The following RBFOX2 variants were observed in gnomAD, a reference collection of about 807,000 sequenced individuals.
The protein encoded by RBFOX2 is RNA binding protein fox-1 homolog 2.
Under a neutral mutation model 49.1 loss-of-function variants are expected in RBFOX2, and 10 were observed. The ratio of observed to expected loss-of-function variants is 0.20; its 90% CI spans 0.13 to 0.35. RBFOX2 has a LOEUF of 0.35. Ranked by LOEUF, RBFOX2 falls within the 10% of genes least tolerant of loss-of-function variation. RBFOX2 has a pLI of 1.00. For missense variants in RBFOX2, 323 were observed against 486.9 expected, an observed-to-expected ratio of 0.66 and a Z score of 3.17; for synonymous variants, 183 against 187.4, an observed-to-expected ratio of 0.98 and a Z score of 0.19.
At chr22:35,975,483 A>G (rs150538857) in intron 1 of RBFOX2, among the ~76,000 whole-genome samples, 49 of 152,330 alleles carry the variant, frequency 3.2e-4, no homozygotes, top group African/African-American at 1.1e-3. Flanking sequence ...TAATGCCAAG[A>G]AGCCTAACAC....
At chr22:35,746,736 C>T in intron 9 of RBFOX2, 175 bp from the exon 12 acceptor site, 1 of 405,780 alleles carries the variant, frequency 2.5e-6, no homozygotes, top group Middle Eastern at 3.3e-4. Flanking sequence ...TGTTATTATT[C>T]CTCCAATAAA....
chr22:35,827,075 A>G (rs1955916116), intron 1 of RBFOX2, among the ~76,000 whole-genome samples: 1 of 152,224 alleles, frequency 6.6e-6, no homozygotes, highest in Non-Finnish European at 1.5e-5. Flanking sequence ...GCTATAAACA[A>G]TGCCATCTAC....
chr22:35,803,854 A>G (rs1950209206), intron 2 of RBFOX2, among the ~76,000 whole-genome samples: 1 of 152,230 alleles, frequency 6.6e-6, no homozygotes, highest in African/African-American at 2.4e-5. Context: ...AGAGACCACC[A>G]GAAATTATCC....
At chr22:35,767,136 C>A (rs1268730028) in intron 5 of RBFOX2, among the ~76,000 whole-genome samples, 1 of 151,930 alleles carries the variant, frequency 6.6e-6, no homozygotes, top group South Asian at 2.1e-4. Context: ...ACCATGAAGT[C>A]AGTAATCAAA....
chr22:35,844,887 A>G (rs2040980927), upstream of RBFOX2, among the ~76,000 whole-genome samples: 2 of 152,048 alleles, frequency 1.3e-5, no homozygotes, highest in African/African-American at 4.8e-5. Context: ...GAAAGGCTTT[A>G]TTTTCAATTT....
At chr22:35,912,459 C>T (rs1603446813) in intron 1 of RBFOX2, among the ~76,000 whole-genome samples, 1 of 152,294 alleles carries the variant, frequency 6.6e-6, no homozygotes, top group East Asian at 1.9e-4. Context: ...TATTACTTAA[C>T]CTTTAAGGCC....
upstream of RBFOX2, among the ~76,000 whole-genome samples, chr22:35,963,838 C>T (rs1382254559): frequency 2.0e-5 from 3 of 152,118 alleles, no homozygotes; most frequent in African/African-American, 2.4e-5. Context: ...CTCTGCCTCC[C>T]GGATTCAAGC....
intron 1 of RBFOX2, among the ~76,000 whole-genome samples, chr22:36,017,191 T>C (rs1462447685): frequency 6.6e-6 from 1 of 152,164 alleles, no homozygotes; most frequent in Non-Finnish European, 1.5e-5. Flanking sequence ...AAAAATACCA[T>C]GTATTGTGAA....
chr22:35,746,399 G>GA, intron 10 of RBFOX2, 74 bp downstream of exon 12: 1 of 1,311,032 alleles, frequency 7.6e-7, no homozygotes. Flanking sequence ...ATGGTGAAGG[G>GA]AGGAAAATGG....
chr22:36,021,085 C>T (rs928837479), intron 1 of RBFOX2, among the ~76,000 whole-genome samples: 11 of 151,924 alleles, frequency 7.2e-5, no homozygotes, highest in East Asian at 1.9e-4. Flanking sequence ...GATGAGTTCA[C>T]GTCCTTTGTA....
chr22:35,801,931 T>C (rs888005440), intron 2 of RBFOX2, among the ~76,000 whole-genome samples: 1 of 152,208 alleles, frequency 6.6e-6, no homozygotes, highest in Admixed American at 6.5e-5. Context: ...CCTGAAATTA[T>C]AGAACTTGTG....
At chr22:35,954,334 A>C (rs1053169762) in intron 1 of RBFOX2, among the ~76,000 whole-genome samples, 16 of 152,254 alleles carry the variant, frequency 1.1e-4, no homozygotes, top group African/African-American at 3.9e-4. Flanking sequence ...CACAGAATTC[A>C]GCATAAGTAC....
intron 1 of RBFOX2, among the ~76,000 whole-genome samples, chr22:36,002,655 A>T (rs574316530): frequency 6.6e-6 from 1 of 152,370 alleles, no homozygotes; most frequent in Admixed American, 6.5e-5. Context: ...ACGGAGTCTC[A>T]CTCTGTCACC....
At chr22:35,826,595 TCTC>T (rs1046313454) in intron 1 of RBFOX2, among the ~76,000 whole-genome samples, 5 of 151,882 alleles carry the variant, frequency 3.3e-5, no homozygotes, top group African/African-American at 1.2e-4. Flanking sequence ...CCCCCCTGCA[TCTC>T]CTGTTTTTCA....
At chr22:35,883,029 T>C (rs985632222) in intron 1 of RBFOX2, among the ~76,000 whole-genome samples, 10 of 152,200 alleles carry the variant, frequency 6.6e-5, no homozygotes, top group African/African-American at 2.4e-4. Context: ...CTCTGAAATC[T>C]AGCAGGGCAA....
At chr22:35,873,202 G>C (rs1455184596) in intron 1 of RBFOX2, among the ~76,000 whole-genome samples, 1 of 152,026 alleles carries the variant, frequency 6.6e-6, no homozygotes, top group African/African-American at 2.4e-5. Context: ...CATGATCTCG[G>C]CTCACTGCAA....
intron 1 of RBFOX2, chr22:36,000,157 C>A (rs529062329): frequency 6.6e-6 from 1 of 152,064 alleles, no homozygotes. Context: ...CCCGCCACTA[C>A]ACCTGGCTAA....
chr22:35,896,978 G>C (rs2047925330), intron 1 of RBFOX2, among the ~76,000 whole-genome samples: 1 of 152,076 alleles, frequency 6.6e-6, no homozygotes, highest in Non-Finnish European at 1.5e-5. Flanking sequence ...TTCCTCTCTA[G>C]TTACATGGCT....
In RBFOX2 at chr22:35,806,809, T is replaced by C. The variant is rs377650176; in HGVS notation, c.252+2971A>G. 4.4e-4 allele frequency among the ~76,000 whole-genome samples: 67 copies of C among 152,228 alleles called. 1 individual carries two copies. The South Asian group carries it at 0.01, about 23-fold the overall frequency. On this transcript the variant is annotated intron_variant, in intron 2 of 11. Coordinates refer to ENST00000405409, the Ensembl canonical transcript of RBFOX2. ...AGAAGCAGGATCTAGCTGTGCACTTTTTTCGGGGAGTGGGGGACGGAGTCT... is the reference window on the plus strand; with the variant it reads ...AGAAGCAGGATCTAGCTGTGCACTTCTTTCGGGGAGTGGGGGACGGAGTCT...
Sources: allele counts gnomAD v4.1 joint callset (sites outside exome capture counted in the v4.1 genomes callset), GRCh38; gene constraint gnomAD v4.1.1; transcripts MANE v1.5; gene names NCBI Gene and HGNC (gene_info 2026-07-23, HGNC 2026-07-21).